C1QTNF2: variants seen among roughly 807,000 people sequenced by gnomAD.
The protein encoded by C1QTNF2 is complement C1q tumor necrosis factor-related protein 2.
Under a neutral mutation model 17.4 loss-of-function variants are expected in C1QTNF2, and 15 were observed. The ratio of observed to expected loss-of-function variants is 0.86; its 90% confidence interval spans 0.58 to 1.33. The LOEUF is 1.33. Among genes scored for constraint, C1QTNF2 ranks in the 40% most tolerant of loss-of-function variants. C1QTNF2 has a pLI of 0.00. For synonymous variants in C1QTNF2, 154 were observed against 163.3 expected, an observed-to-expected ratio of 0.94 and a Z score of 0.44; for missense variants, 381 against 392.3, an observed-to-expected ratio of 0.97 and a Z score of 0.24.
intron 1 of C1QTNF2, among the ~76,000 whole-genome samples, chr5:160,357,964 T>G (rs1352013402): frequency 2.0e-5 from 3 of 152,196 alleles, no homozygotes; most frequent in Non-Finnish European, 4.4e-5. Flanking sequence ...TCTTCTGACC[T>G]CCATGCCCAG....
intron 1 of C1QTNF2, among the ~76,000 whole-genome samples, chr5:160,364,412 T>C (rs549184396): frequency 8.5e-5 from 13 of 152,242 alleles, no homozygotes; most frequent in Non-Finnish European, 1.5e-4. Context: ...GAGGATTTAA[T>C]GTTTCTAGAA....
rs545483377 is a variant in C1QTNF2 at position 160,348,956 on chromosome 5, A to C, written c.*212T>G. ...GAGAATAGCATAGTGCCTGTTACAC[A>C]GTAGATACTTTAAAAAGAAGTGAAT... On this transcript the variant is annotated 3_prime_UTR_variant, in exon 3 of 3. Transcript: ENST00000652664. 5.8e-5 allele frequency: 34 copies of C among 584,598 alleles called. No homozygotes were observed. Among genetic ancestry groups the C allele is most frequent in the Admixed American group, 4.7e-4 (14 of 29,882 alleles). 36.2% of individuals were successfully genotyped at this position (584,598 alleles called of 1,614,324 possible).
intron 1 of C1QTNF2, 106 bp from the exon 2 acceptor site, chr5:160,355,126 G>A: frequency 2.1e-6 from 3 of 1,429,182 alleles, no homozygotes; most frequent in Non-Finnish European, 2.8e-6. Context: ...CACTCAGTTG[G>A]ATTTCTGTCT....
At chr5:160,359,366 G>A (rs1764109597) in intron 1 of C1QTNF2, among the ~76,000 whole-genome samples, 1 of 152,156 alleles carries the variant, frequency 6.6e-6, no homozygotes, top group Admixed American at 6.5e-5. Flanking sequence ...TACACAAGTA[G>A]TTAGTGGCAG....
chr5:160,354,600 ATATATATATAT>A lies in C1QTNF2; in HGVS notation c.244+157_244+167del, dbSNP rs1763998838. 3.0e-4 allele frequency among the ~76,000 whole-genome samples: 18 copies of A among 59,232 alleles called. 1 individual carries two copies. The highest frequency in any genetic ancestry group is 1.1e-3 in the African/African-American group (11 of 10,186). 38.9% of individuals were successfully genotyped at this position (59,232 alleles called of 152,430 possible). On this transcript the variant is annotated intron_variant, in intron 2 of 2. Coordinates refer to ENST00000652664, the MANE Select transcript of C1QTNF2 (RefSeq NM_031908.6). Reference sequence around the variant, plus strand: ...TCTCAAGGGGAAAAAAAAAAAAAGTATATATATATATATATATATATATATATATATATAGA... The same window carrying A: ...TCTCAAGGGGAAAAAAAAAAAAAGTAATATATATATATATATATATATAGA...
chr5:160,365,822 A>T (rs2113535567), intron 1 of C1QTNF2, among the ~76,000 whole-genome samples: 1 of 152,364 alleles, frequency 6.6e-6, no homozygotes, highest in African/African-American at 2.4e-5. Flanking sequence ...CCAAGTTAAA[A>T]GTTGTCAAAA....
chr5:160,357,352 T>C (rs6862611), intron 1 of C1QTNF2, among the ~76,000 whole-genome samples: 18,283 of 152,174 alleles, frequency 0.12, 1,188 homozygotes, highest in East Asian at 0.17. Context: ...AAAATAAGGA[T>C]GCAGTTTGAT....
At chr5:160,363,713 C>T (rs1269376930) in intron 1 of C1QTNF2, among the ~76,000 whole-genome samples, 7 of 152,230 alleles carry the variant, frequency 4.6e-5, no homozygotes, top group Non-Finnish European at 8.8e-5. Flanking sequence ...GTCTGAGCCT[C>T]AGCTGCCTCC....
intron 1 of C1QTNF2, among the ~76,000 whole-genome samples, chr5:160,364,367 C>T (rs1574219): frequency 0.4 from 61,507 of 152,010 alleles, 13,188 homozygotes; most frequent in Middle Eastern, 0.5. Flanking sequence ...AACATGAACA[C>T]GATAATAATA....
intron 2 of C1QTNF2, among the ~76,000 whole-genome samples, chr5:160,351,801 A>C (rs1444385805): frequency 6.6e-6 from 1 of 152,182 alleles, no homozygotes; most frequent in Non-Finnish European, 1.5e-5. Context: ...ATAAACAAAA[A>C]GAATGGGAAA....
intron 1 of C1QTNF2, among the ~76,000 whole-genome samples, chr5:160,356,421 A>ATTCTG (rs1764052585): frequency 6.6e-6 from 1 of 152,216 alleles, no homozygotes; most frequent in Non-Finnish European, 1.5e-5. Flanking sequence ...GTTGGGCCTT[A>ATTCTG]TCCCCAAAGT....
At chr5:160,355,995 C>T (rs369653497) in intron 1 of C1QTNF2, among the ~76,000 whole-genome samples, 1 of 152,200 alleles carries the variant, frequency 6.6e-6, no homozygotes, top group African/African-American at 2.4e-5. Flanking sequence ...CCCTCCTGTC[C>T]CAGGCTAGAC....
chr5:160,350,793 C>T (rs1180253662), intron 2 of C1QTNF2, among the ~76,000 whole-genome samples: 1 of 151,530 alleles, frequency 6.6e-6, no homozygotes, highest in Non-Finnish European at 1.5e-5. Context: ...CTCTGTCGCC[C>T]AGGCTGGAGC....
chr5:160,360,680 G>C (rs867546041), intron 1 of C1QTNF2, among the ~76,000 whole-genome samples: 1 of 152,192 alleles, frequency 6.6e-6, no homozygotes, highest in Non-Finnish European at 1.5e-5. Flanking sequence ...CTGGGGGTGG[G>C]AAGGTGTTAG....
At chr5:160,351,999 C>G (rs1339464822) in intron 2 of C1QTNF2, among the ~76,000 whole-genome samples, 1 of 150,982 alleles carries the variant, frequency 6.6e-6, no homozygotes, top group Non-Finnish European at 1.5e-5. Flanking sequence ...TAACCTCAAA[C>G]TCTTGGGCTT....
At chr5:160,362,924 A>G (rs549936647) in intron 1 of C1QTNF2, among the ~76,000 whole-genome samples, 3 of 152,382 alleles carry the variant, frequency 2.0e-5, no homozygotes. Flanking sequence ...AGTGGATTTG[A>G]AAACAAAACG....
intron 2 of C1QTNF2, among the ~76,000 whole-genome samples, chr5:160,350,293 T>G (rs1350558996): frequency 6.6e-6 from 1 of 152,064 alleles, no homozygotes; most frequent in Non-Finnish European, 1.5e-5. Flanking sequence ...TTACGGTCCA[T>G]CTATACTGTG....
At position 160,349,163 on chromosome 5, in the gene C1QTNF2, CAT is replaced by C. The variant is rs1304008227; in HGVS notation, c.*3_*4del. 2 of 1,603,460 alleles carry C rather than the reference CAT, an allele frequency of 1.2e-6. No homozygotes were observed. Among genetic ancestry groups the C allele is most frequent in the East Asian group, 2.2e-5 (1 of 44,684 alleles). ...TTCCCTGCCTGGAGGACCGCCGTGG[CAT>C]GTCTATACCTCGTTGGGGTCATCCT... On this transcript the variant is annotated 3_prime_UTR_variant, in exon 3 of 3. Transcript: ENST00000652664. The surrounding 1 kb of genome is among the most constrained non-coding windows in gnomAD (Gnocchi z 4.3).
At chr5:160,357,329 G>T (rs1447259927) in intron 1 of C1QTNF2, among the ~76,000 whole-genome samples, 1 of 152,210 alleles carries the variant, frequency 6.6e-6, no homozygotes, top group East Asian at 1.9e-4. Flanking sequence ...TTATAAGTAG[G>T]GAGGGGTAGG....
Sources: allele counts gnomAD v4.1 joint callset (sites outside exome capture counted in the v4.1 genomes callset), GRCh38; gene constraint gnomAD v4.1.1; non-coding constraint Gnocchi (gnomAD v3.1); transcripts MANE v1.5; gene names NCBI Gene and HGNC (gene_info 2026-07-23, HGNC 2026-07-21).